Variants in B4GALNT3 observed in about 807,000 individuals in gnomAD.
B4GALNT3 encodes beta-1,4-N-acetylgalactosaminyltransferase 3.
A neutral mutation model predicts 120.2 loss-of-function variants in B4GALNT3; 86 were observed. The ratio of observed to expected loss-of-function variants is 0.72; its 90% CI spans 0.60 to 0.86. B4GALNT3 has a LOEUF of 0.86. B4GALNT3 is among the 40% of genes least tolerant of loss of function. The pLI is 0.00. For synonymous variants in B4GALNT3, 518 were observed against 510.4 expected (o/e 1.01, Z -0.20); for missense variants, 1,167 against 1,298.9 (o/e 0.90, Z 1.56).
chr12:513,894 C>A (rs1278459212), intron 1 of B4GALNT3, among the ~76,000 whole-genome samples: 1 of 152,150 alleles, frequency 6.6e-6, no homozygotes, highest in Non-Finnish European at 1.5e-5. Context: ...CAGTCCATTT[C>A]TTTTTATTGC....
chr12:470,735 C>CTGTTTTGTCT, intron 1 of B4GALNT3, among the ~76,000 whole-genome samples: 1 of 152,016 alleles, frequency 6.6e-6, no homozygotes, highest in African/African-American at 2.4e-5. Flanking sequence ...ATTTTAGTGA[C>CTGTTTTGTCT]TGTTTTGTTT....
chr12:498,127 TG>T (rs1946405749), intron 1 of B4GALNT3, among the ~76,000 whole-genome samples: 1 of 152,220 alleles, frequency 6.6e-6, no homozygotes, highest in African/African-American at 2.4e-5. Flanking sequence ...TGCTGTCTCC[TG>T]GGCTTACTAG....
At chr12:518,975 C>T (rs892241634) in intron 1 of B4GALNT3, among the ~76,000 whole-genome samples, 3 of 152,202 alleles carry the variant, frequency 2.0e-5, no homozygotes, top group East Asian at 3.8e-4. Flanking sequence ...GCCCACGTGG[C>T]TTCTTCTTTA....
intron 1 of B4GALNT3, among the ~76,000 whole-genome samples, chr12:491,529 A>G (rs964840709): frequency 2.0e-5 from 3 of 151,618 alleles, no homozygotes; most frequent in Non-Finnish European, 4.4e-5. Flanking sequence ...GGGTTTTGCC[A>G]TGTTGCCCAG....
chr12:469,838 G>A (rs930139310), intron 1 of B4GALNT3, among the ~76,000 whole-genome samples: 6 of 152,134 alleles, frequency 3.9e-5, no homozygotes, highest in Non-Finnish European at 8.8e-5. Flanking sequence ...TGTTTTTAGA[G>A]ATGGGGTCTC....
rs1343206503 is a variant in B4GALNT3, at chr12:497,183, C to T, written c.169+36638C>T. 4.0e-5 allele frequency among the ~76,000 whole-genome samples: 6 copies of T among 150,948 alleles called. No homozygotes were observed. In the East Asian group the frequency reaches 5.8e-4, roughly 15 times the overall value. Reference sequence around the variant, plus strand: ...TAATTATTTTTTTGAGACGGAGTTTCGCTCTTGTTGCCCAGGCTGGAGTGC... The same window carrying T: ...TAATTATTTTTTTGAGACGGAGTTTTGCTCTTGTTGCCCAGGCTGGAGTGC... On this transcript the variant is annotated intron_variant, in intron 1 of 19. Transcript: ENST00000266383.
At chr12:555,360 C>A in intron 14 of B4GALNT3, 1 of 456,852 alleles carries the variant, frequency 2.2e-6, no homozygotes, top group Non-Finnish European at 4.4e-6. Flanking sequence ...TTATATCGGG[C>A]TTTTTGCAGA....
At chr12:497,175 C>T (rs10849114) in intron 1 of B4GALNT3, among the ~76,000 whole-genome samples, 20,649 of 150,764 alleles carry the variant, frequency 0.14, 1,941 homozygotes, top group Admixed American at 0.3. Context: ...TTTTTTGAGA[C>T]GGAGTTTCGC....
intron 1 of B4GALNT3, among the ~76,000 whole-genome samples, chr12:490,231 G>C (rs1946328179): frequency 6.6e-6 from 1 of 151,844 alleles, no homozygotes; most frequent in African/African-American, 2.4e-5. Flanking sequence ...AAAAACAGAA[G>C]AAATAATGAA....
At chr12:486,261 G>C (rs1946290267) in intron 1 of B4GALNT3, among the ~76,000 whole-genome samples, 1 of 137,840 alleles carries the variant, frequency 7.3e-6, no homozygotes, top group Non-Finnish European at 1.5e-5. Flanking sequence ...CCAGGCTAGA[G>C]TGCAGTGGCG....
In B4GALNT3 at chr12:460,421, G is replaced by T; in HGVS notation, c.45G>T (p.Pro15=). 2.6e-6 allele frequency: 4 copies of T among 1,541,224 alleles called. No individual in the cohort carries two copies. The highest frequency in any genetic ancestry group is 3.5e-6 in the Non-Finnish European group (4 of 1,147,222). The change falls in exon 1 of 20, where the codon CCG becomes CCT. Residue 15 remains proline, a synonymous_variant. Coordinates refer to ENST00000266383, the MANE Select transcript of B4GALNT3 (RefSeq NM_173593.4). This position sits in a 1 kb window ranked among gnomAD's most constrained non-coding sequence, Gnocchi z 8.0. ...CGCGGCCCCCGCTGCTCCTGCGCCC[G>T]GTGAAGCTGCTGCGGAGGCGCTTCC... ...RAARPPLLLR[P]VKLLRRRFRL...
chr12:559,124 G>T (rs1163234063), intron 18 of B4GALNT3, among the ~76,000 whole-genome samples, 171 bp from the exon 19 acceptor site: 1 of 152,014 alleles, frequency 6.6e-6, no homozygotes, highest in African/African-American at 2.4e-5. Context: ...TTAGTTAGGG[G>T]TCTTTCCTCC....
chr12:461,098 C>CT (rs1249032769), intron 1 of B4GALNT3, among the ~76,000 whole-genome samples: 2 of 152,158 alleles, frequency 1.3e-5, no homozygotes, highest in African/African-American at 2.4e-5. Flanking sequence ...AGTCCCGTCT[C>CT]TTCCCCGCTT....
intron 1 of B4GALNT3, among the ~76,000 whole-genome samples, chr12:461,604 G>A (rs1032123635): frequency 5.3e-5 from 8 of 152,198 alleles, no homozygotes; most frequent in African/African-American, 1.4e-4. Flanking sequence ...CTTTCCTCCC[G>A]CTTTGGGGAA....
At chr12:472,712 C>T (rs1440960238) in intron 1 of B4GALNT3, among the ~76,000 whole-genome samples, 2 of 152,228 alleles carry the variant, frequency 1.3e-5, no homozygotes, top group African/African-American at 4.8e-5. Flanking sequence ...GCTGGGATTA[C>T]AGGCGTGAGC....
At chr12:525,341 T>C (rs1281346942) in intron 1 of B4GALNT3, among the ~76,000 whole-genome samples, 1 of 152,154 alleles carries the variant, frequency 6.6e-6, no homozygotes, top group Non-Finnish European at 1.5e-5. Context: ...ACTCCTGACC[T>C]CAGGTCATCC....
chr12:512,874 C>A (rs1223378851), intron 1 of B4GALNT3, among the ~76,000 whole-genome samples: 2 of 147,800 alleles, frequency 1.4e-5, no homozygotes, highest in Non-Finnish European at 3.0e-5. Flanking sequence ...CACCTTCCAC[C>A]TTCCACATTC....
chr12:476,886 AT>A (rs1346449501), intron 1 of B4GALNT3, among the ~76,000 whole-genome samples: 1 of 152,202 alleles, frequency 6.6e-6, no homozygotes. Context: ...TTATATCTGC[AT>A]TTCTTCTTCT....
Position 535,271 on chromosome 12 carries a change from T to A in B4GALNT3, c.273+2T>A. 1 of 1,612,546 alleles carries A rather than the reference T, an allele frequency of 6.2e-7. No individual in the cohort carries two copies. Among genetic ancestry groups the A allele is most frequent in the Non-Finnish European group, 8.5e-7 (1 of 1,179,346 alleles). On this transcript the variant is annotated splice_donor_variant, in intron 2 of 19. Transcript: ENST00000266383. LOFTEE classifies it high-confidence loss of function. ...CATCCCCAGAGGCTGAGCCTCGAGG[T>A]AGGTGACCAGCCAGTCCATTGTCCC... is the stretch of plus-strand genomic sequence containing the variant.
Sources: allele counts gnomAD v4.1 joint callset (sites outside exome capture counted in the v4.1 genomes callset), GRCh38; gene constraint gnomAD v4.1.1; non-coding constraint Gnocchi (gnomAD v3.1); transcripts MANE v1.5; gene names NCBI Gene and HGNC (gene_info 2026-07-23, HGNC 2026-07-21).